EXOC6B: variants seen among roughly 807,000 people sequenced by gnomAD.
EXOC6B encodes the protein SEC15 homolog B.
Under a neutral mutation model 113.5 loss-of-function variants are expected in EXOC6B, and 54 were observed. That is an observed-to-expected ratio of 0.48 (90% CI 0.38 to 0.60). The LOEUF is 0.60. Ranked by LOEUF, EXOC6B falls within the 20% of genes least tolerant of loss-of-function variation. The pLI is 0.00. For missense variants in EXOC6B, 797 were observed against 977.5 expected (o/e 0.82, Z 2.46); for synonymous variants, 357 against 339.0 (o/e 1.05, Z -0.58).
At position 72,177,686 on chromosome 2, in the gene EXOC6B, T is replaced by A. The variant is rs907991655; in HGVS notation, c.*1649A>T. 2 of 152,100 alleles carry A rather than the reference T, an allele frequency of 1.3e-5. No homozygotes were observed. The highest frequency in any genetic ancestry group is 4.8e-5 in the African/African-American group (2 of 41,418). The allele number at this position is 152,100 out of a possible 1,614,324, so 9.4% of individuals were successfully genotyped here. On this transcript the variant is annotated 3_prime_UTR_variant, in exon 22 of 22. Transcript: ENST00000272427. The stretch of plus-strand genomic sequence containing the variant: ...ATCCTCTTCCCCATGACTATCAAGA[T>A]ATGATAGGATATGGTGAGGTAGGGG...
chr2:72,306,018 T>C (rs866606784), intron 20 of EXOC6B, among the ~76,000 whole-genome samples: 19 of 152,164 alleles, frequency 1.2e-4, no homozygotes, highest in African/African-American at 3.9e-4. Flanking sequence ...CCCAGAGTCC[T>C]GAGAATCCTG....
intron 6 of EXOC6B, among the ~76,000 whole-genome samples, chr2:72,667,572 A>T (rs139687890): frequency 8.7e-4 from 132 of 152,282 alleles, no homozygotes; most frequent in African/African-American, 3.1e-3. Context: ...ATAAAGCTAC[A>T]CACCTACAAC....
chr2:72,785,458 C>A lies in EXOC6B; in HGVS notation c.113+40340G>T, dbSNP rs1024372575. On this transcript the variant is annotated intron_variant, in intron 1 of 21. Transcript: ENST00000272427. ...CTTGATGAGGGACCTGCCCCTGCAG[C>A]AAACTTTTGCCTGGGCATCCAGGCG... is the stretch of plus-strand genomic sequence containing the variant. 2.0e-5 allele frequency among the ~76,000 whole-genome samples: 3 copies of A among 152,362 alleles called. No individual in the cohort carries two copies. The East Asian group carries it at 5.8e-4, about 29-fold the overall frequency.
intron 20 of EXOC6B, among the ~76,000 whole-genome samples, chr2:72,323,899 G>T (rs750638325): frequency 1.8e-4 from 27 of 151,782 alleles, no homozygotes; most frequent in Non-Finnish European, 3.2e-4. Context: ...TGGGTTGATG[G>T]GTGCAGCAAA....
rs1470146205 is a variant in EXOC6B at position 72,825,996 on chromosome 2, C to A, written c.-86G>T. 2 of 1,526,724 alleles carry A rather than the reference C, an allele frequency of 1.3e-6. No homozygotes were observed. 94.6% of individuals were successfully genotyped at this position (1,526,724 alleles called of 1,614,324 possible). The stretch of plus-strand genomic sequence containing the variant: ...CACAATGCCGCTCCCACCACAGGCT[C>A]CACAGCCGCCCCAGCCTCTGGCTAC... On this transcript the variant is annotated 5_prime_UTR_variant, in exon 1 of 22. Coordinates refer to ENST00000272427, the MANE Select transcript of EXOC6B (RefSeq NM_015189.3). The surrounding 1 kb of genome is among the most constrained non-coding windows in gnomAD (Gnocchi z 4.4).
intron 6 of EXOC6B, among the ~76,000 whole-genome samples, chr2:72,577,991 A>T (rs1040207466): frequency 1.3e-5 from 2 of 152,120 alleles, no homozygotes; most frequent in Admixed American, 1.3e-4. Flanking sequence ...CTCTTTCTCA[A>T]GAGTACTTCA....
intron 18 of EXOC6B, among the ~76,000 whole-genome samples, chr2:72,383,836 T>C (rs1485453161): frequency 6.6e-6 from 1 of 152,074 alleles, no homozygotes; most frequent in Non-Finnish European, 1.5e-5. Flanking sequence ...AATGAGATCA[T>C]GTTCTTTGCA....
chr2:72,727,968 C>T (rs574437220), intron 5 of EXOC6B, among the ~76,000 whole-genome samples: 1 of 152,104 alleles, frequency 6.6e-6, no homozygotes, highest in South Asian at 2.1e-4. Flanking sequence ...ACCCACATGC[C>T]TAAAACCTAA....
chr2:72,304,062 G>A (rs576604920), intron 20 of EXOC6B, among the ~76,000 whole-genome samples: 1 of 152,294 alleles, frequency 6.6e-6, no homozygotes, highest in Admixed American at 6.5e-5. Context: ...CTGTCTCTGT[G>A]TCACTCCCAG....
intron 1 of EXOC6B, among the ~76,000 whole-genome samples, chr2:72,808,759 G>A (rs1444027056): frequency 7.2e-5 from 11 of 152,034 alleles, no homozygotes; most frequent in Admixed American, 7.2e-4. Flanking sequence ...GTCCAGCTGG[G>A]CAACAGAGCG....
At chr2:72,258,133 C>G (rs1217598791) in intron 20 of EXOC6B, among the ~76,000 whole-genome samples, 1 of 152,090 alleles carries the variant, frequency 6.6e-6, no homozygotes, top group Non-Finnish European at 1.5e-5. Context: ...GCAACTATTT[C>G]TTTTTAAACT....
At chr2:72,256,074 TAA>T (rs1683337303) in intron 20 of EXOC6B, among the ~76,000 whole-genome samples, 1 of 152,000 alleles carries the variant, frequency 6.6e-6, no homozygotes, top group African/African-American at 2.4e-5. Context: ...CAAAAGTCCT[TAA>T]AAGAGAAAGA....
chr2:72,748,428 A>C (rs1429014535), intron 1 of EXOC6B, among the ~76,000 whole-genome samples: 1 of 152,056 alleles, frequency 6.6e-6, no homozygotes, highest in Non-Finnish European at 1.5e-5. Context: ...CCTTCTCCTT[A>C]CTTCAGTTTG....
chr2:72,671,596 C>A (rs1415292771), intron 6 of EXOC6B, among the ~76,000 whole-genome samples: 1 of 151,420 alleles, frequency 6.6e-6, no homozygotes, highest in Non-Finnish European at 1.5e-5. Flanking sequence ...TACTCGGGAG[C>A]CTGAGGCAGA....
At chr2:72,696,051 A>T (rs1677854442) in intron 6 of EXOC6B, among the ~76,000 whole-genome samples, 1 of 152,218 alleles carries the variant, frequency 6.6e-6, no homozygotes, top group African/African-American at 2.4e-5. Flanking sequence ...AAACTAAGTT[A>T]CTAACATTTG....
At chr2:72,409,013 T>C (rs1693983683) in intron 18 of EXOC6B, among the ~76,000 whole-genome samples, 1 of 151,942 alleles carries the variant, frequency 6.6e-6, no homozygotes, top group South Asian at 2.1e-4. Context: ...CTCAAACAAA[T>C]TTACAAGAAA....
chr2:72,492,498 G>A, intron 15 of EXOC6B, 69 bp from the exon 16 acceptor site: 4 of 814,262 alleles, frequency 4.9e-6, no homozygotes, highest in South Asian at 3.0e-5. Context: ...AACGGTGCCA[G>A]TGGTATTCGT....
chr2:72,601,066 T>G (rs1293719753), intron 6 of EXOC6B, among the ~76,000 whole-genome samples: 1 of 151,384 alleles, frequency 6.6e-6, no homozygotes, highest in East Asian at 1.9e-4. Context: ...CTAATTAAAA[T>G]AACAAGTAGA....
chr2:72,289,468 T>A (rs1685650607), intron 20 of EXOC6B, among the ~76,000 whole-genome samples: 1 of 152,214 alleles, frequency 6.6e-6, no homozygotes, highest in East Asian at 1.9e-4. Flanking sequence ...CAGAAAGCTG[T>A]ACTCATGATC....
Sources: allele counts gnomAD v4.1 joint callset (sites outside exome capture counted in the v4.1 genomes callset), GRCh38; gene constraint gnomAD v4.1.1; non-coding constraint Gnocchi (gnomAD v3.1); transcripts MANE v1.5; gene names NCBI Gene and HGNC (gene_info 2026-07-23, HGNC 2026-07-21).